Variants in CUL5 observed in about 807,000 individuals in gnomAD.
CUL5 encodes the protein cullin-5.
A neutral mutation model predicts 108.8 loss-of-function variants in CUL5; 26 were observed. The ratio of observed to expected loss-of-function variants is 0.24; its 90% CI spans 0.18 to 0.33. The LOEUF is 0.33. Among genes scored for constraint, CUL5 ranks in the 10% least tolerant of loss-of-function variants. The probability of loss-of-function intolerance (pLI) is 1.00; values close to 1 mark genes in which losing one functional copy is unlikely to be tolerated. For synonymous variants in CUL5, 334 were observed against 298.0 expected (o/e 1.12, Z -1.25); for missense variants, 524 against 909.2 (o/e 0.58, Z 5.45).
chr11:108,088,357 G>T (rs546447899), intron 11 of CUL5, among the ~76,000 whole-genome samples, 170 bp from the exon 12 acceptor site: 1 of 152,162 alleles, frequency 6.6e-6, no homozygotes, highest in Non-Finnish European at 1.5e-5. Context: ...GAACGTAAAA[G>T]TGAGTGCCTC....
intron 1 of CUL5, among the ~76,000 whole-genome samples, chr11:108,012,267 A>T (rs545599612): frequency 6.6e-6 from 1 of 151,932 alleles, no homozygotes; most frequent in Admixed American, 6.6e-5. Flanking sequence ...CATTTTTTTC[A>T]TTTCCAGTTT....
At chr11:108,094,618 T>C in intron 14 of CUL5, 104 bp downstream of exon 14, 1 of 827,394 alleles carries the variant, frequency 1.2e-6, no homozygotes, top group East Asian at 2.9e-5. Flanking sequence ...TCGAAAGATG[T>C]TATGAAGTCC....
chr11:108,052,032 C>T (rs181863930), intron 4 of CUL5, among the ~76,000 whole-genome samples: 2 of 152,238 alleles, frequency 1.3e-5, no homozygotes, highest in Non-Finnish European at 2.9e-5. Flanking sequence ...ATAGTGTGAT[C>T]TTGGCTTGCT....
chr11:108,039,059 T>C (rs918021594), intron 2 of CUL5, among the ~76,000 whole-genome samples: 5 of 151,990 alleles, frequency 3.3e-5, no homozygotes, highest in African/African-American at 9.7e-5. Flanking sequence ...TCATTCTTGT[T>C]GCCCAGGCTG....
At chr11:108,063,065 G>A (rs931782370) in intron 7 of CUL5, among the ~76,000 whole-genome samples, 53 of 152,024 alleles carry the variant, frequency 3.5e-4, no homozygotes, top group African/African-American at 1.3e-3. Context: ...GGCTGGTCTC[G>A]AACTCCTGAC....
At chr11:108,065,365 C>T (rs1192282054) in intron 7 of CUL5, among the ~76,000 whole-genome samples, 3 of 152,096 alleles carry the variant, frequency 2.0e-5, no homozygotes, top group Admixed American at 2.0e-4. Context: ...TTTGTTATTG[C>T]TTGCCTAGAA....
At chr11:108,026,060 C>T (rs1195621767) in intron 1 of CUL5, among the ~76,000 whole-genome samples, 1 of 152,198 alleles carries the variant, frequency 6.6e-6, no homozygotes, top group African/African-American at 2.4e-5. Flanking sequence ...AAGTCTCTTT[C>T]TCTTTTCACC....
intron 7 of CUL5, among the ~76,000 whole-genome samples, chr11:108,067,661 T>C (rs1205120499): frequency 3.3e-5 from 5 of 152,172 alleles, no homozygotes; most frequent in African/African-American, 9.7e-5. Flanking sequence ...AACAGGATAA[T>C]GTTCAAGTGA....
Position 108,043,014 on chromosome 11 carries a change from C to T in CUL5, c.135-3256C>T, listed in dbSNP as rs569806866. ...CTGGCCTCAAGTGATGTGTCCACCT[C>T]GGCCTCCCAAAATGCTAGGATTAAA... On this transcript the variant is annotated intron_variant, in intron 2 of 18. Coordinates refer to ENST00000393094, the MANE Select transcript of CUL5 (RefSeq NM_003478.6). 4.6e-5 allele frequency among the ~76,000 whole-genome samples: 7 copies of T among 152,258 alleles called. 1 individual carries two copies. The highest frequency in any genetic ancestry group is 3.9e-4 in the East Asian group (2 of 5,180).
At chr11:108,097,196 A>G (rs2135242972) in intron 16 of CUL5, among the ~76,000 whole-genome samples, 2 of 152,270 alleles carry the variant, frequency 1.3e-5, no homozygotes, top group East Asian at 3.9e-4. Flanking sequence ...TTGTATTTTC[A>G]GTAGAGACGG....
chr11:108,075,162 A>G (rs1034905341), intron 10 of CUL5, among the ~76,000 whole-genome samples: 4 of 152,004 alleles, frequency 2.6e-5, no homozygotes, highest in South Asian at 2.1e-4. Context: ...TCCCAGAGTG[A>G]TGGTAGAGGT....
intron 10 of CUL5, among the ~76,000 whole-genome samples, chr11:108,075,836 C>G (rs1778633955): frequency 6.6e-6 from 1 of 152,114 alleles, no homozygotes. Flanking sequence ...CCCTTTAAAT[C>G]ATGTTCTTTG....
At chr11:108,058,602 G>C (rs1216995179) in intron 7 of CUL5, among the ~76,000 whole-genome samples, 1 of 151,534 alleles carries the variant, frequency 6.6e-6, no homozygotes, top group Non-Finnish European at 1.5e-5. Context: ...AGAGTGTATT[G>C]GTGGTGGTAA....
At position 108,077,434 on chromosome 11, in the gene CUL5, T is replaced by A. The variant is rs1863966861; in HGVS notation, c.1114-742T>A. ...GCTGAGACAGGTGGATCACTTGAGG[T>A]CAGGAGTCAACATGATGAAACCCTG... On this transcript the variant is annotated intron_variant, in intron 10 of 18. Coordinates refer to ENST00000393094, the MANE Select transcript of CUL5 (RefSeq NM_003478.6). Among the ~76,000 whole-genome samples the A allele has an allele frequency of 2.0e-5, 3 of 151,906 alleles. No individual in the cohort carries two copies. In the South Asian group the frequency reaches 6.3e-4, roughly 32 times the overall value.
At position 108,096,170 on chromosome 11, in the gene CUL5, G is replaced by A. The variant is rs987182701; in HGVS notation, c.1905+479G>A. Among the ~76,000 whole-genome samples, 5 of 150,530 alleles carry A rather than the reference G, an allele frequency of 3.3e-5. No homozygotes were observed. The South Asian group carries it at 1.1e-3, about 32-fold the overall frequency. On this transcript the variant is annotated intron_variant, in intron 16 of 18. Coordinates refer to ENST00000393094, the MANE Select transcript of CUL5 (RefSeq NM_003478.6). ...GAAAAAATAAATTGCAAATAGGCAAGTTACCAAGGCAGAGAAAAGTGCTTC... is the reference window on the plus strand; with the variant it reads ...GAAAAAATAAATTGCAAATAGGCAAATTACCAAGGCAGAGAAAAGTGCTTC...
intron 13 of CUL5, among the ~76,000 whole-genome samples, chr11:108,091,204 A>G (rs185203248): frequency 2.0e-5 from 3 of 152,116 alleles, no homozygotes; most frequent in African/African-American, 7.2e-5. Flanking sequence ...GGTTTGTGCC[A>G]TGACGCCTGG....
Position 108,009,347 on chromosome 11 carries a change from A to T in CUL5, c.-2A>T. On this transcript the variant is annotated 5_prime_UTR_variant, in exon 1 of 19. Coordinates refer to ENST00000393094, the MANE Select transcript of CUL5 (RefSeq NM_003478.6). ...GTCTCGCGAGAGTCCAAGTTAAAGA[A>T]CATGGCGACGTCTAATCTGTTAAAG... 6.2e-7 allele frequency: 1 copy of T among 1,613,740 alleles called. No individual in the cohort carries two copies. Among genetic ancestry groups the T allele is most frequent in the Non-Finnish European group, 8.5e-7 (1 of 1,179,766 alleles).
chr11:108,015,320 A>G (rs1156866578), intron 1 of CUL5, among the ~76,000 whole-genome samples: 1 of 152,262 alleles, frequency 6.6e-6, no homozygotes, highest in Admixed American at 6.5e-5. Flanking sequence ...GGGAACAGCC[A>G]GTGTGAAAGC....
rs1371327640 is a variant in CUL5 at position 108,095,564 on chromosome 11, T to C, written c.1778T>C (p.Leu593Ser). ...TFKNEVGQYD[L>S]EVTTFQLAVL... Reference sequence around the variant, plus strand: ...AAGAATGAAGTTGGTCAATATGATTTGGAGGTAACCACGTTTCAGCTCGCT... The same window carrying C: ...AAGAATGAAGTTGGTCAATATGATTCGGAGGTAACCACGTTTCAGCTCGCT... The change falls in exon 16 of 19, where the codon TTG (leucine) becomes TCG (serine). Residue 593 changes from leucine (L) to serine (S), a missense_variant. By Grantham distance (145) the Leu-to-Ser change is moderately radical. Around this residue, in one of 8 missense-constraint regions of CUL5, gnomAD observed 64 missense variants for 152.0 expected, o/e 0.42. Coordinates refer to ENST00000393094, the MANE Select transcript of CUL5 (RefSeq NM_003478.6). 6.2e-7 allele frequency: 1 copy of C among 1,612,992 alleles called. No homozygotes were observed. The highest frequency in any genetic ancestry group is 8.5e-7 in the Non-Finnish European group (1 of 1,179,238).
Sources: gnomAD v4.1 joint callset for allele counts (sites outside exome capture counted in the v4.1 genomes callset) on GRCh38, gnomAD v4.1.1 for gene constraint, gnomAD v4.1.1 regional missense constraint, MANE v1.5 for transcripts, NCBI Gene and HGNC (gene_info 2026-07-23, HGNC 2026-07-21) for gene names.